The following DENND1A variants were observed in gnomAD, a reference collection of about 807,000 sequenced individuals.
DENND1A encodes DENN domain-containing protein 1A.
Under a neutral mutation model 113.7 loss-of-function variants are expected in DENND1A, and 51 were observed. That is an observed-to-expected ratio of 0.45 (90% CI 0.36 to 0.57). DENND1A has a LOEUF of 0.57. Among genes scored for constraint, DENND1A ranks in the 20% least tolerant of loss-of-function variants. The pLI is 0.00. For missense variants in DENND1A, 1,258 were observed against 1,395.9 expected, an observed-to-expected ratio of 0.90 and a Z score of 1.57; for synonymous variants, 565 against 570.8, an observed-to-expected ratio of 0.99 and a Z score of 0.14.
At chr9:123,492,622 T>G (rs2051475035) in intron 13 of DENND1A, 2 of 152,242 alleles carry the variant, frequency 1.3e-5, no homozygotes, top group Non-Finnish European at 2.9e-5. Flanking sequence ...TTGTACACTT[T>G]TTTAAATACA....
chr9:123,916,659 C>T (rs916567406), intron 1 of DENND1A, among the ~76,000 whole-genome samples: 1 of 152,076 alleles, frequency 6.6e-6, no homozygotes, highest in African/African-American at 2.4e-5. Flanking sequence ...AGGCGTGAGC[C>T]ACTGTGCCCG....
intron 10 of DENND1A, among the ~76,000 whole-genome samples, chr9:123,616,051 C>A (rs1486887364): frequency 6.6e-6 from 1 of 152,084 alleles, no homozygotes; most frequent in Non-Finnish European, 1.5e-5. Flanking sequence ...TGCCTCAGTC[C>A]CTCGAGTTGC....
chr9:123,557,155 C>T (rs1261971918), intron 13 of DENND1A, among the ~76,000 whole-genome samples: 2 of 152,194 alleles, frequency 1.3e-5, no homozygotes, highest in Non-Finnish European at 1.5e-5. Context: ...GCAGGGGCTC[C>T]GGGGCCATCT....
intron 15 of DENND1A, among the ~76,000 whole-genome samples, chr9:123,456,320 G>C (rs918283731): frequency 5.0e-5 from 7 of 138,774 alleles, no homozygotes; most frequent in African/African-American, 1.7e-4. Context: ...GTATTATTTT[G>C]CATCTGGTTT....
chr9:123,717,626 G>C (rs2141063905), intron 5 of DENND1A, among the ~76,000 whole-genome samples: 1 of 152,334 alleles, frequency 6.6e-6, no homozygotes, highest in East Asian at 1.9e-4. Flanking sequence ...TTATAGAAAA[G>C]AGGATATACC....
chr9:123,682,216 G>C (rs1255578509), intron 5 of DENND1A, among the ~76,000 whole-genome samples: 1 of 152,150 alleles, frequency 6.6e-6, no homozygotes, highest in Non-Finnish European at 1.5e-5. Flanking sequence ...TCCTATAAAA[G>C]AGAAATAAAA....
At chr9:123,551,789 C>G (rs1376412640) in intron 13 of DENND1A, among the ~76,000 whole-genome samples, 1 of 152,154 alleles carries the variant, frequency 6.6e-6, no homozygotes, top group Non-Finnish European at 1.5e-5. Context: ...CTGGCCCTCC[C>G]CGCCCTGAGC....
chr9:123,599,690 T>C (rs867178227), intron 11 of DENND1A, among the ~76,000 whole-genome samples: 1 of 152,196 alleles, frequency 6.6e-6, no homozygotes, highest in African/African-American at 2.4e-5. Flanking sequence ...AAAAAGCCCA[T>C]GGTCCAGCCA....
chr9:123,557,964 C>G (rs993862199), intron 12 of DENND1A, among the ~76,000 whole-genome samples: 1 of 151,566 alleles, frequency 6.6e-6, no homozygotes, highest in African/African-American at 2.4e-5. Flanking sequence ...TGCACTCCAG[C>G]CTGGGCGACA....
intron 3 of DENND1A, among the ~76,000 whole-genome samples, chr9:123,775,938 A>T (rs1383022462): frequency 3.3e-5 from 5 of 152,190 alleles, no homozygotes; most frequent in African/African-American, 1.2e-4. Flanking sequence ...TGTGTCAGAG[A>T]AGTGGCTCTA....
chr9:123,630,150 AC>A (rs2061410906), intron 10 of DENND1A, among the ~76,000 whole-genome samples: 2 of 148,058 alleles, frequency 1.4e-5, no homozygotes, highest in South Asian at 2.1e-4. Flanking sequence ...AAATGATCCT[AC>A]CAACTCAGCC....
At chr9:123,439,963 C>T (rs568805901) in intron 19 of DENND1A, 1 of 153,092 alleles carries the variant, frequency 6.5e-6, no homozygotes, top group South Asian at 2.0e-4. Flanking sequence ...ATAAAGAACT[C>T]CTAATTGATT....
At chr9:123,456,010 C>T (rs554686167) in intron 15 of DENND1A, among the ~76,000 whole-genome samples, 26 of 152,342 alleles carry the variant, frequency 1.7e-4, no homozygotes, top group African/African-American at 6.0e-4. Flanking sequence ...GAGGGCAGAA[C>T]TGGGTCCTCC....
At chr9:123,780,503 C>T (rs1831143677) in intron 3 of DENND1A, among the ~76,000 whole-genome samples, 1 of 152,150 alleles carries the variant, frequency 6.6e-6, no homozygotes, top group Non-Finnish European at 1.5e-5. Context: ...TACATGCCTC[C>T]TTGTTTAATC....
intron 1 of DENND1A, among the ~76,000 whole-genome samples, chr9:123,891,800 C>T (rs558970835): frequency 1.8e-4 from 28 of 152,298 alleles, no homozygotes; most frequent in Admixed American, 1.7e-3. Context: ...AAAATTCCAT[C>T]GATCCATCCA....
chr9:123,387,022 C>T (rs529307675), intron 22 of DENND1A, among the ~76,000 whole-genome samples: 16 of 152,340 alleles, frequency 1.1e-4, no homozygotes, highest in Admixed American at 7.8e-4. Context: ...GTTTCCATTC[C>T]CTTAAAGGCT....
chr9:123,563,194 G>C (rs2057861548), intron 12 of DENND1A, among the ~76,000 whole-genome samples: 1 of 152,106 alleles, frequency 6.6e-6, no homozygotes, highest in African/African-American at 2.4e-5. Flanking sequence ...TGAGTCAGAG[G>C]GAACAAGGAG....
At chr9:123,588,401 C>T (rs2059291943) in intron 11 of DENND1A, among the ~76,000 whole-genome samples, 1 of 151,438 alleles carries the variant, frequency 6.6e-6, no homozygotes, top group Non-Finnish European at 1.5e-5. Flanking sequence ...GGTGGATCAC[C>T]TGAGGTCAGG....
intron 13 of DENND1A, among the ~76,000 whole-genome samples, chr9:123,510,452 A>T (rs1588908972): frequency 6.6e-6 from 1 of 152,248 alleles, no homozygotes; most frequent in African/African-American, 2.4e-5. Flanking sequence ...GGCACTTTCC[A>T]TTTTAAGCAG....
Sources: gnomAD v4.1 joint callset for allele counts (sites outside exome capture counted in the v4.1 genomes callset) on GRCh38, gnomAD v4.1.1 for gene constraint, MANE v1.5 for transcripts, NCBI Gene and HGNC (gene_info 2026-07-23, HGNC 2026-07-21) for gene names.